Variants in SGCD observed in about 807,000 individuals in gnomAD.
SGCD encodes the protein sarcoglycan delta.
Under a neutral mutation model 36.6 loss-of-function variants are expected in SGCD, and 18 were observed. The observed-to-expected ratio is 0.49, with a 90% CI of 0.34 to 0.73. The LOEUF is 0.73. Among genes scored for constraint, SGCD ranks in the 30% least tolerant of loss-of-function variants. The pLI is 0.01. For synonymous variants in SGCD, 133 were observed against 130.6 expected (o/e 1.02, Z -0.12); for missense variants, 387 against 346.7 (o/e 1.12, Z -0.92).
At chr5:155,936,810 G>T (rs1433640063) in intron 1 of SGCD, among the ~76,000 whole-genome samples, 1 of 152,180 alleles carries the variant, frequency 6.6e-6, no homozygotes, top group Admixed American at 6.5e-5. Context: ...ATGCCCAGGG[G>T]CACCTGCAGG....
In SGCD at chr5:156,664,439, C is replaced by T. The variant is rs1185804853; in HGVS notation, c.575+16903C>T. On this transcript the variant is annotated intron_variant, in intron 7 of 8. Transcript: ENST00000337851. ...AAATCAGGGTAGGGCTCTTTTGAAC[C>T]TTGTCTTACTGTATTAAATGAGGGG... Among the ~76,000 whole-genome samples the T allele has an allele frequency of 4.7e-4, 70 of 148,152 alleles. 1 individual carries two copies. The highest frequency in any genetic ancestry group is 7.0e-3 in the Middle Eastern group (2 of 286).
At chr5:156,515,755 T>G (rs1303768267) in intron 4 of SGCD, among the ~76,000 whole-genome samples, 1 of 152,248 alleles carries the variant, frequency 6.6e-6, no homozygotes, top group African/African-American at 2.4e-5. Context: ...AGCAGCATGC[T>G]GAAGACTGCC....
chr5:156,043,605 A>G (rs758671809), intron 1 of SGCD, among the ~76,000 whole-genome samples: 1 of 151,942 alleles, frequency 6.6e-6, no homozygotes, highest in Admixed American at 6.6e-5. Context: ...AAAAGCTTTT[A>G]TTTTGTCACC....
At chr5:156,618,547 G>C (rs1179280021) in intron 6 of SGCD, among the ~76,000 whole-genome samples, 4 of 148,354 alleles carry the variant, frequency 2.7e-5, no homozygotes, top group Non-Finnish European at 5.9e-5. Context: ...AATAATAATG[G>C]GGTTTCATTT....
chr5:156,550,969 A>C (rs1186733417), intron 4 of SGCD, among the ~76,000 whole-genome samples: 1 of 152,150 alleles, frequency 6.6e-6, no homozygotes, highest in African/African-American at 2.4e-5. Context: ...TATTTAGTGT[A>C]CATGTTTCTT....
intron 3 of SGCD, among the ~76,000 whole-genome samples, chr5:156,274,968 A>G (rs1225987585): frequency 5.9e-5 from 9 of 152,192 alleles, no homozygotes; most frequent in Admixed American, 5.9e-4. Flanking sequence ...AGTGCTATTT[A>G]GGCTGAGTAA....
chr5:156,676,629 C>G (rs1194044884), intron 7 of SGCD, among the ~76,000 whole-genome samples: 1 of 152,090 alleles, frequency 6.6e-6, no homozygotes, highest in Non-Finnish European at 1.5e-5. Flanking sequence ...ACCCAAAAAC[C>G]TTGATGAGCC....
chr5:156,702,017 T>G (rs1754547316), intron 7 of SGCD, among the ~76,000 whole-genome samples: 1 of 152,188 alleles, frequency 6.6e-6, no homozygotes, highest in South Asian at 2.1e-4. Context: ...TAGGGTTGCT[T>G]CTGTGATTTG....
chr5:156,240,946 A>T (rs1414968960), intron 3 of SGCD, among the ~76,000 whole-genome samples: 1 of 152,160 alleles, frequency 6.6e-6, no homozygotes, highest in Non-Finnish European at 1.5e-5. Flanking sequence ...CTCAGATGAG[A>T]TTTTTTGGGC....
chr5:156,476,362 G>C (rs1393718496), intron 3 of SGCD, among the ~76,000 whole-genome samples: 1 of 152,202 alleles, frequency 6.6e-6, no homozygotes, highest in East Asian at 1.9e-4. Flanking sequence ...ATAAGTGAGA[G>C]CGGCCGAAGT....
At chr5:156,042,129 C>A (rs551820331) in intron 1 of SGCD, among the ~76,000 whole-genome samples, 96 of 152,022 alleles carry the variant, frequency 6.3e-4, no homozygotes, top group African/African-American at 2.3e-3. Flanking sequence ...ACTGTTTCCT[C>A]CAAATCTGGA....
intron 4 of SGCD, among the ~76,000 whole-genome samples, chr5:156,553,101 G>T (rs911730382): frequency 1.3e-5 from 2 of 152,132 alleles, no homozygotes; most frequent in African/African-American, 2.4e-5. Context: ...GATGAAGCAA[G>T]AGAGGTGGAG....
chr5:156,210,786 G>C (rs1309373735), intron 3 of SGCD, among the ~76,000 whole-genome samples: 1 of 151,914 alleles, frequency 6.6e-6, no homozygotes, highest in Non-Finnish European at 1.5e-5. Context: ...AATAATGAAA[G>C]GGACTGAAGA....
At chr5:156,653,629 A>G (rs1270167541) in intron 7 of SGCD, among the ~76,000 whole-genome samples, 3 of 151,434 alleles carry the variant, frequency 2.0e-5, no homozygotes, top group African/African-American at 7.3e-5. Flanking sequence ...TCTCTGACCA[A>G]TTGAAAAGAT....
At chr5:156,296,244 G>A (rs1766890163) in intron 3 of SGCD, among the ~76,000 whole-genome samples, 1 of 152,168 alleles carries the variant, frequency 6.6e-6, no homozygotes. Flanking sequence ...CCATGGGGAG[G>A]TGGATGTATA....
At chr5:156,172,318 CAA>C (rs945191130) in intron 3 of SGCD, among the ~76,000 whole-genome samples, 1 of 151,982 alleles carries the variant, frequency 6.6e-6, no homozygotes, top group Non-Finnish European at 1.5e-5. Flanking sequence ...ACAAAAAACC[CAA>C]AAAATCAGTA....
At chr5:155,981,076 C>G (rs555982883) in intron 1 of SGCD, among the ~76,000 whole-genome samples, 1 of 152,318 alleles carries the variant, frequency 6.6e-6, no homozygotes, top group African/African-American at 2.4e-5. Context: ...CACAGTGCAG[C>G]AGATGGAGGA....
At chr5:155,755,294 C>T in the SGCD span, among the ~76,000 whole-genome samples, 6 of 152,128 alleles carry the variant, frequency 3.9e-5, no homozygotes, top group Non-Finnish European at 8.8e-5. Context: ...TGTGCCCTAC[C>T]TGGGTTGATT....
chr5:156,647,925 G>A (rs1763292926), intron 7 of SGCD, among the ~76,000 whole-genome samples: 1 of 152,126 alleles, frequency 6.6e-6, no homozygotes, highest in Non-Finnish European at 1.5e-5. Context: ...TATGCAACAA[G>A]CTCTCTATTA....
Sources: gnomAD v4.1 joint callset for allele counts (sites outside exome capture counted in the v4.1 genomes callset) on GRCh38, gnomAD v4.1.1 for gene constraint, MANE v1.5 for transcripts, NCBI Gene and HGNC (gene_info 2026-07-23, HGNC 2026-07-21) for gene names.